The following SLC1A2 variants were observed in gnomAD, a reference collection of about 807,000 sequenced individuals.
SLC1A2 encodes solute carrier family 1 member 2.
Under a neutral mutation model 48.8 loss-of-function variants are expected in SLC1A2, and 15 were observed. The observed-to-expected ratio is 0.31, with a 90% CI of 0.21 to 0.47. The LOEUF (loss-of-function observed/expected upper bound fraction) is 0.47, where lower values mean the gene tolerates loss of function less well. Ranked by LOEUF, SLC1A2 falls within the 20% of genes least tolerant of loss-of-function variation. SLC1A2 has a pLI of 0.99. For missense variants in SLC1A2, 502 were observed against 730.5 expected (o/e 0.69, Z 3.61); for synonymous variants, 279 against 272.6 (o/e 1.02, Z -0.23).
chr11:35,334,625 C>T (rs1852552397), intron 1 of SLC1A2, among the ~76,000 whole-genome samples: 1 of 152,186 alleles, frequency 6.6e-6, no homozygotes, highest in African/African-American at 2.4e-5. Flanking sequence ...GAGGGCTTCA[C>T]TATCTTCTCT....
intron 9 of SLC1A2, among the ~76,000 whole-genome samples, chr11:35,269,036 G>A (rs1850189213): frequency 6.6e-6 from 1 of 152,198 alleles, no homozygotes; most frequent in South Asian, 2.1e-4. Flanking sequence ...CATCTCCAAG[G>A]TGATGGTATT....
intron 1 of SLC1A2, among the ~76,000 whole-genome samples, chr11:35,403,886 G>A (rs75602828): frequency 5.0e-4 from 15 of 30,238 alleles, no homozygotes; most frequent in East Asian, 1.2e-3. Flanking sequence ...TTCCCTAAAA[G>A]CAAGGGAACA....
At chr11:35,398,464 G>A (rs1399694472) in intron 1 of SLC1A2, among the ~76,000 whole-genome samples, 1 of 152,120 alleles carries the variant, frequency 6.6e-6, no homozygotes, top group Non-Finnish European at 1.5e-5. Context: ...AAACATTGAG[G>A]ACATATGGAC....
intron 8 of SLC1A2, among the ~76,000 whole-genome samples, chr11:35,284,197 C>G (rs915127272): frequency 6.6e-6 from 1 of 150,728 alleles, no homozygotes; most frequent in Non-Finnish European, 1.5e-5. Flanking sequence ...GTAAGGTGGC[C>G]TGGGTTCAAA....
chr11:35,375,373 G>A (rs936726932), intron 1 of SLC1A2, among the ~76,000 whole-genome samples: 9 of 152,192 alleles, frequency 5.9e-5, no homozygotes, highest in African/African-American at 2.2e-4. Flanking sequence ...GAATTCAGAG[G>A]AACAAGGGGA....
intron 6 of SLC1A2, 55 bp from the exon 7 acceptor site, chr11:35,292,575 C>A: frequency 1.9e-6 from 2 of 1,080,760 alleles, no homozygotes; most frequent in Non-Finnish European, 2.8e-6. Flanking sequence ...GGATTCAGAA[C>A]CTGGGCCTCC....
upstream of SLC1A2, chr11:35,419,745 T>A (rs1218352569): frequency 7.8e-6 from 2 of 257,236 alleles, no homozygotes; most frequent in Non-Finnish European, 1.7e-5. This position sits in a 1 kb window ranked among gnomAD's most constrained non-coding sequence, Gnocchi z 5.4. Flanking sequence ...AAGGAGTAGC[T>A]ATTGTTTCCC....
At chr11:35,390,973 C>A (rs1854751689) in intron 1 of SLC1A2, 1 of 152,126 alleles carries the variant, frequency 6.6e-6, no homozygotes, top group Non-Finnish European at 1.5e-5. Context: ...GGCATAAAAT[C>A]TATTCTTAAA....
rs189599215 is a variant in SLC1A2 at position 35,375,627 on chromosome 11, A to T, written c.17+43323T>A. ...GTGGCTATTTCAGTTGGGCCACGAG[A>T]ACCATGTCTAAAAACCCCAGGTCCT... On this transcript the variant is annotated intron_variant, in intron 1 of 10. Transcript: ENST00000278379. 1.9e-4 allele frequency among the ~76,000 whole-genome samples: 29 copies of T among 152,220 alleles called. 1 individual carries two copies. The highest frequency in any genetic ancestry group is 1.8e-3 in the Admixed American group (28 of 15,292).
intron 1 of SLC1A2, among the ~76,000 whole-genome samples, chr11:35,385,024 T>A (rs1032359166): frequency 6.6e-6 from 1 of 152,172 alleles, no homozygotes; most frequent in African/African-American, 2.4e-5. Flanking sequence ...AAAGATAAAC[T>A]AAAGAAGTGA....
intron 3 of SLC1A2, among the ~76,000 whole-genome samples, chr11:35,313,359 G>A (rs1024425041): frequency 2.0e-5 from 3 of 152,136 alleles, no homozygotes; most frequent in Admixed American, 6.5e-5. Flanking sequence ...GGAACACCCC[G>A]TGAAGCACCC....
chr11:35,290,777 G>A (rs770655922), intron 7 of SLC1A2, among the ~76,000 whole-genome samples: 15 of 150,426 alleles, frequency 1.0e-4, no homozygotes, highest in South Asian at 2.1e-4. Flanking sequence ...ACTTAGTCAT[G>A]GAAAATTTAT....
chr11:35,366,427 T>C (rs1227978264), intron 1 of SLC1A2, among the ~76,000 whole-genome samples: 1 of 152,178 alleles, frequency 6.6e-6, no homozygotes, highest in Non-Finnish European at 1.5e-5. Flanking sequence ...AAATTAAAAC[T>C]CCTCAGGAGT....
At chr11:35,306,418 G>T (rs1160035571) in intron 4 of SLC1A2, among the ~76,000 whole-genome samples, 176 bp from the exon 5 acceptor site, 3 of 152,168 alleles carry the variant, frequency 2.0e-5, no homozygotes, top group African/African-American at 7.2e-5. Flanking sequence ...TTACAAAGTG[G>T]TGTTTTATTA....
chr11:35,301,763 A>C, intron 5 of SLC1A2, 118 bp from the exon 6 acceptor site: 1 of 880,736 alleles, frequency 1.1e-6, no homozygotes, highest in Non-Finnish European at 1.7e-6. Context: ...TACCCTATGA[A>C]TTAGACATTA....
intron 1 of SLC1A2, among the ~76,000 whole-genome samples, chr11:35,332,236 C>T (rs945705273): frequency 3.3e-5 from 5 of 152,322 alleles, no homozygotes; most frequent in South Asian, 2.1e-4. Context: ...AGCAGCACCA[C>T]GTCTCCTCAA....
chr11:35,409,400 C>G (rs2135292606), intron 1 of SLC1A2, among the ~76,000 whole-genome samples: 1 of 152,304 alleles, frequency 6.6e-6, no homozygotes, highest in East Asian at 1.9e-4. Context: ...TAGCTATACT[C>G]TTGTTCCCAA....
intron 1 of SLC1A2, among the ~76,000 whole-genome samples, chr11:35,341,943 T>A (rs945745403): frequency 6.6e-6 from 1 of 152,320 alleles, no homozygotes; most frequent in African/African-American, 2.4e-5. Flanking sequence ...AAAAGAAGGA[T>A]GCATTGCTAT....
At chr11:35,285,484 C>T (rs1465073816) in intron 8 of SLC1A2, 3 of 152,242 alleles carry the variant, frequency 2.0e-5, no homozygotes, top group African/African-American at 7.2e-5. Flanking sequence ...CAGGCCTTGG[C>T]TGTTCTAATA....
Sources: allele counts gnomAD v4.1 joint callset (sites outside exome capture counted in the v4.1 genomes callset), GRCh38; gene constraint gnomAD v4.1.1; non-coding constraint Gnocchi (gnomAD v3.1); transcripts MANE v1.5; gene names NCBI Gene and HGNC (gene_info 2026-07-23, HGNC 2026-07-21).